PLCG2: variants seen among roughly 807,000 people sequenced by gnomAD.
PLCG2 encodes 1-phosphatidylinositol 4,5-bisphosphate phosphodiesterase gamma-2.
A neutral mutation model predicts 175.6 loss-of-function variants in PLCG2; 69 were observed. The ratio of observed to expected loss-of-function variants is 0.39; its 90% CI spans 0.32 to 0.48. The LOEUF (loss-of-function observed/expected upper bound fraction) is 0.48. Ranked by LOEUF, PLCG2 falls within the 20% of genes least tolerant of loss-of-function variation. The pLI is 0.91. For missense variants in PLCG2, 1,798 were observed against 1,650.9 expected (o/e 1.09, Z -1.54); for synonymous variants, 827 against 624.0 (o/e 1.33, Z -4.85).
chr16:81,938,991 G>A, intron 29 of PLCG2, 76 bp downstream of exon 29: 1 of 825,022 alleles, frequency 1.2e-6, no homozygotes, highest in South Asian at 1.5e-5. Context: ...TCTTCGTGGG[G>A]GATTTTGCAA....
chr16:81,863,476 GT>G (rs1228362613), intron 5 of PLCG2, among the ~76,000 whole-genome samples: 1 of 152,176 alleles, frequency 6.6e-6, no homozygotes, highest in African/African-American at 2.4e-5. Context: ...TTGCTTCCAC[GT>G]TTTGGCAATT....
Position 81,909,593 on chromosome 16 carries a change from T to G in PLCG2, c.1734-927T>G, listed in dbSNP as rs568539286. On this transcript the variant is annotated intron_variant, in intron 17 of 32. Transcript: ENST00000564138. Reference sequence around the variant, plus strand: ...CACGACACCTGAATAACTTTTAAATTTTTTGTAGAGCTGGAGTCTCACTAC... The same window carrying G: ...CACGACACCTGAATAACTTTTAAATGTTTTGTAGAGCTGGAGTCTCACTAC... Among the ~76,000 whole-genome samples, 17 of 152,276 alleles carry G rather than the reference T, an allele frequency of 1.1e-4. No individual in the cohort carries two copies. The South Asian group carries it at 3.5e-3, about 32-fold the overall frequency.
At chr16:81,942,978 G>A (rs189750961) in intron 30 of PLCG2, among the ~76,000 whole-genome samples, 35 of 152,070 alleles carry the variant, frequency 2.3e-4, no homozygotes, top group Admixed American at 1.1e-3. Flanking sequence ...CTTGGGCAGC[G>A]AGAGAAGGTA....
intron 4 of PLCG2, 49 bp downstream of exon 4, chr16:81,858,405 C>T (rs376675524): frequency 9.1e-6 from 12 of 1,313,558 alleles, no homozygotes; most frequent in South Asian, 1.2e-5. Context: ...TTCCTTTATT[C>T]TGCTGCCTTT....
chr16:81,797,637 C>T (rs1911530192), intron 2 of PLCG2, among the ~76,000 whole-genome samples: 2 of 152,222 alleles, frequency 1.3e-5, no homozygotes, highest in South Asian at 4.1e-4. Context: ...GGAAAAGGCC[C>T]TGGCTGCCCC....
chr16:81,892,624 C>G (rs1352396466), intron 11 of PLCG2, among the ~76,000 whole-genome samples: 1 of 151,226 alleles, frequency 6.6e-6, no homozygotes, highest in Non-Finnish European at 1.5e-5. Flanking sequence ...TTCTAGAAAA[C>G]CTAGAAGACA....
chr16:81,886,928 T>G (rs1451694570), intron 9 of PLCG2, among the ~76,000 whole-genome samples: 2 of 152,202 alleles, frequency 1.3e-5, no homozygotes, highest in African/African-American at 2.4e-5. Flanking sequence ...ACCAAGTGGA[T>G]GCATTTTATA....
At chr16:81,818,792 T>C (rs941595527) in intron 2 of PLCG2, among the ~76,000 whole-genome samples, 1 of 149,478 alleles carries the variant, frequency 6.7e-6, no homozygotes, top group African/African-American at 2.5e-5. Flanking sequence ...AAGGGAGGAG[T>C]GTGGAGGGCA....
intron 31 of PLCG2, among the ~76,000 whole-genome samples, chr16:81,946,880 CATGAAGACCCTTTGCTTA>C (rs1911171173): frequency 6.6e-6 from 1 of 151,904 alleles, no homozygotes; most frequent in Non-Finnish European, 1.5e-5. Flanking sequence ...AACCAGTGAG[CATGAAGACCCTTTGCTTA>C]GTGAAGCAGA....
At chr16:81,861,169 A>AT (rs1291468859) in intron 5 of PLCG2, among the ~76,000 whole-genome samples, 1 of 151,926 alleles carries the variant, frequency 6.6e-6, no homozygotes, top group African/African-American at 2.4e-5. Context: ...GAGGCACCTT[A>AT]TTTTTTTGGT....
At chr16:81,780,461 G>A (rs576298015) in intron 1 of PLCG2, among the ~76,000 whole-genome samples, 2 of 152,166 alleles carry the variant, frequency 1.3e-5, no homozygotes, top group African/African-American at 4.8e-5. Context: ...ACAGTTCTGC[G>A]GGGAAGTTTT....
At chr16:81,883,457 T>G in intron 9 of PLCG2, 116 bp downstream of exon 9, 1 of 757,656 alleles carries the variant, frequency 1.3e-6, no homozygotes. Context: ...TGGCCACCTG[T>G]GCTCACCTGG....
intron 6 of PLCG2, among the ~76,000 whole-genome samples, chr16:81,870,421 C>G (rs1408845903): frequency 1.3e-5 from 2 of 152,174 alleles, no homozygotes; most frequent in Admixed American, 6.5e-5. Flanking sequence ...TATGTACGTA[C>G]TCTACAAATA....
intron 2 of PLCG2, among the ~76,000 whole-genome samples, chr16:81,789,879 T>C (rs1911154098): frequency 6.8e-6 from 1 of 146,296 alleles, no homozygotes; most frequent in Admixed American, 7.0e-5. Flanking sequence ...GTCATTTGGA[T>C]GCCCACTGTA....
intron 7 of PLCG2, among the ~76,000 whole-genome samples, chr16:81,875,684 C>G (rs1353621198): frequency 6.6e-6 from 1 of 152,192 alleles, no homozygotes. Context: ...GACTGCTACC[C>G]TGCTACCTCC....
chr16:81,950,604 T>C (rs1200377426), intron 31 of PLCG2, among the ~76,000 whole-genome samples: 1 of 152,232 alleles, frequency 6.6e-6, no homozygotes, highest in Non-Finnish European at 1.5e-5. Context: ...TTCATAAATT[T>C]GATTGCATTC....
upstream of PLCG2, among the ~76,000 whole-genome samples, chr16:81,778,982 C>T (rs1366839190): frequency 6.6e-6 from 1 of 152,124 alleles, no homozygotes; most frequent in Non-Finnish European, 1.5e-5. Flanking sequence ...AAGTATACGG[C>T]AAACACCTGG....
chr16:81,930,900 C>T (rs138175513), intron 24 of PLCG2, among the ~76,000 whole-genome samples: 7 of 152,148 alleles, frequency 4.6e-5, no homozygotes, highest in African/African-American at 1.4e-4. Context: ...TGCCAAGTTG[C>T]TTAGCTATAT....
chr16:81,922,862 C>G (rs113523554), intron 21 of PLCG2, among the ~76,000 whole-genome samples: 1,555 of 152,328 alleles, frequency 0.01, 28 homozygotes, highest in African/African-American at 0.036. Context: ...AATTTCTAAC[C>G]AAGGAAGTTC....
Sources: allele counts gnomAD v4.1 joint callset (sites outside exome capture counted in the v4.1 genomes callset), GRCh38; gene constraint gnomAD v4.1.1; transcripts MANE v1.5; gene names NCBI Gene and HGNC (gene_info 2026-07-23, HGNC 2026-07-21).